CPNE3: variants seen among roughly 807,000 people sequenced by gnomAD.
CPNE3 encodes the protein copine-3.
A neutral mutation model predicts 63.9 loss-of-function variants in CPNE3; 68 were observed. The ratio of observed to expected loss-of-function variants is 1.06; its 90% CI spans 0.87 to 1.30. The LOEUF (loss-of-function observed/expected upper bound fraction) is 1.30, where lower values mean the gene tolerates loss of function less well. Ranked by LOEUF, CPNE3 falls within the 50% of genes most tolerant of loss-of-function variation. The probability of loss-of-function intolerance (pLI) is 0.00; values close to 1 mark genes in which losing one functional copy is unlikely to be tolerated. For synonymous variants in CPNE3, 219 were observed against 197.5 expected, an observed-to-expected ratio of 1.11 and a Z score of -0.91; for missense variants, 665 against 578.1, an observed-to-expected ratio of 1.15 and a Z score of -1.54.
intron 5 of CPNE3, 128 bp from the exon 6 acceptor site, chr8:86,532,381 T>C: frequency 1.7e-6 from 1 of 591,646 alleles, no homozygotes; most frequent in South Asian, 3.9e-5. Context: ...GCCATTTTCT[T>C]ATGAAACATT....
intron 2 of CPNE3, among the ~76,000 whole-genome samples, chr8:86,518,621 T>C (rs527876506): frequency 6.6e-6 from 1 of 152,180 alleles, no homozygotes; most frequent in Non-Finnish European, 1.5e-5. Context: ...CTTTTTTTCT[T>C]AAGCCAGTCA....
intron 9 of CPNE3, among the ~76,000 whole-genome samples, chr8:86,546,144 A>T (rs1214718569): frequency 6.6e-6 from 1 of 152,062 alleles, no homozygotes; most frequent in Non-Finnish European, 1.5e-5. Flanking sequence ...GTTGGGCTTC[A>T]TATATTTGTT....
chr8:86,546,561 T>C, intron 9 of CPNE3, 34 bp from the exon 10 acceptor site: 1 of 1,598,002 alleles, frequency 6.3e-7, no homozygotes, highest in South Asian at 1.1e-5. Flanking sequence ...ATATTGCTAA[T>C]AAAAAGTAAC....
intron 10 of CPNE3, 196 bp from the exon 11 acceptor site, chr8:86,547,515 A>T (rs1226864295): frequency 3.9e-6 from 2 of 517,778 alleles, no homozygotes; most frequent in Non-Finnish European, 6.8e-6. Context: ...ACATTGCTAC[A>T]ATTATCTTGA....
intron 9 of CPNE3, among the ~76,000 whole-genome samples, chr8:86,545,773 T>C (rs1821035830): frequency 6.6e-6 from 1 of 152,194 alleles, no homozygotes; most frequent in African/African-American, 2.4e-5. Context: ...TGAATATCTC[T>C]TATATTATTA....
chr8:86,520,566 AG>A (rs1415600333), intron 2 of CPNE3, among the ~76,000 whole-genome samples: 1 of 151,778 alleles, frequency 6.6e-6, no homozygotes, highest in Non-Finnish European at 1.5e-5. Flanking sequence ...AAAAAAAAAA[AG>A]ATTTAACAGC....
chr8:86,553,062 C>T (rs960492737), intron 14 of CPNE3, among the ~76,000 whole-genome samples: 9 of 148,240 alleles, frequency 6.1e-5, no homozygotes, highest in Non-Finnish European at 1.2e-4. Flanking sequence ...CAGGGTTTCA[C>T]CATGTTGGCC....
rs576897073 is a variant in CPNE3 at position 86,548,374 on chromosome 8, G to A, written c.953G>A (p.Gly318Asp). The change falls in exon 12 of 17, where the codon GGC becomes GAC. Residue 318 changes from glycine (G) to aspartate (D), a missense_variant. Coordinates refer to ENST00000517490, the MANE Select transcript of CPNE3 (RefSeq NM_003909.5). ...PDSLHYISPN[G>D]VNEYLTALWS... Reference sequence around the variant, plus strand: ...TCCCTTCATTACATCAGCCCCAATGGCGTTAATGAGTATTTGACTGCTCTC... The same window carrying A: ...TCCCTTCATTACATCAGCCCCAATGACGTTAATGAGTATTTGACTGCTCTC... 8 of 1,614,016 alleles carry A rather than the reference G, an allele frequency of 5.0e-6. No individual in the cohort carries two copies. The highest frequency in any genetic ancestry group is 2.7e-5 in the African/African-American group (2 of 74,894).
chr8:86,543,653 C>T (rs754680155), intron 8 of CPNE3, among the ~76,000 whole-genome samples: 15 of 152,176 alleles, frequency 9.9e-5, no homozygotes, highest in East Asian at 7.7e-4. Context: ...CAAGGCATAC[C>T]GTCTTCTAAG....
intron 6 of CPNE3, among the ~76,000 whole-genome samples, chr8:86,533,363 C>T (rs993962759): frequency 6.6e-5 from 10 of 151,834 alleles, no homozygotes; most frequent in East Asian, 1.9e-4. Flanking sequence ...GGCAACATGG[C>T]GAAACCCCAT....
At chr8:86,528,289 T>A (rs1428993677) in intron 2 of CPNE3, among the ~76,000 whole-genome samples, 2 of 152,162 alleles carry the variant, frequency 1.3e-5, no homozygotes, top group African/African-American at 4.8e-5. Context: ...TTAAAAGCTG[T>A]ATTTTACTGT....
At chr8:86,545,833 T>C (rs370976156) in intron 9 of CPNE3, among the ~76,000 whole-genome samples, 6 of 152,170 alleles carry the variant, frequency 3.9e-5, no homozygotes, top group South Asian at 4.1e-4. Context: ...GTGATTATAA[T>C]GTCACTGTGA....
intron 6 of CPNE3, among the ~76,000 whole-genome samples, chr8:86,534,392 A>C (rs564506226): frequency 1.1e-3 from 161 of 152,278 alleles, no homozygotes; most frequent in African/African-American, 3.7e-3. Context: ...GTGGTGGCTC[A>C]TGCCTGTAAT....
intron 8 of CPNE3, among the ~76,000 whole-genome samples, chr8:86,542,968 G>C (rs1243043453): frequency 1.3e-5 from 2 of 151,898 alleles, no homozygotes; most frequent in African/African-American, 2.4e-5. Flanking sequence ...GCTTAATCTT[G>C]TCTTAGATAT....
At chr8:86,516,472 G>C (rs1056014397) in intron 2 of CPNE3, among the ~76,000 whole-genome samples, 2 of 152,034 alleles carry the variant, frequency 1.3e-5, no homozygotes, top group Non-Finnish European at 2.9e-5. Context: ...TATCACTGCT[G>C]CCCTGGGTAT....
At chr8:86,544,535 C>T (rs3213912) in intron 8 of CPNE3, among the ~76,000 whole-genome samples, 109,617 of 151,958 alleles carry the variant, frequency 0.72, 40,501 homozygotes, top group African/African-American at 0.83. Context: ...AGATCCCCAT[C>T]CCAAGGATAG....
chr8:86,536,776 C>T (rs1330035757), intron 6 of CPNE3, among the ~76,000 whole-genome samples: 1 of 152,050 alleles, frequency 6.6e-6, no homozygotes, highest in Non-Finnish European at 1.5e-5. Flanking sequence ...AAAAATCATC[C>T]ATAGTCTTAC....
intron 4 of CPNE3, among the ~76,000 whole-genome samples, chr8:86,530,703 T>G (rs1367816863): frequency 1.3e-5 from 2 of 151,466 alleles, no homozygotes; most frequent in Non-Finnish European, 2.9e-5. Flanking sequence ...TTTTTTTTTT[T>G]TTTTTGAGAT....
chr8:86,549,997 A>G (rs1821137304), intron 12 of CPNE3, among the ~76,000 whole-genome samples: 1 of 152,218 alleles, frequency 6.6e-6, no homozygotes, highest in African/African-American at 2.4e-5. Context: ...GAGAGCAGCA[A>G]TTCCTGCTTC....
Sources: allele counts gnomAD v4.1 joint callset (sites outside exome capture counted in the v4.1 genomes callset), GRCh38; gene constraint gnomAD v4.1.1; transcripts MANE v1.5; gene names NCBI Gene and HGNC (gene_info 2026-07-23, HGNC 2026-07-21).